EYS: variants seen among roughly 807,000 people sequenced by gnomAD.
The protein encoded by EYS is EGF-like photoreceptor maintenance factor, also known as protein eyes shut homolog.
In EYS, 250 loss-of-function variants were observed where a neutral mutation model predicts 282.1. The ratio of observed to expected loss-of-function variants is 0.89; its 90% CI spans 0.80 to 0.98. The LOEUF is 0.98. Ranked by LOEUF, EYS falls within the 50% of genes least tolerant of loss-of-function variation. The pLI is 0.00. For synonymous variants in EYS, 1,355 were observed against 1,282.9 expected (o/e 1.06, Z -1.20); for missense variants, 4,016 against 3,709.0 (o/e 1.08, Z -2.15).
chr6:64,876,722 T>A (rs1237106545), intron 19 of EYS, among the ~76,000 whole-genome samples: 1 of 152,070 alleles, frequency 6.6e-6, no homozygotes, highest in Non-Finnish European at 1.5e-5. Context: ...GAAACTTCTA[T>A]ACAAAGCCTG....
chr6:64,649,525 A>T (rs1768481936), intron 22 of EYS, among the ~76,000 whole-genome samples: 1 of 152,088 alleles, frequency 6.6e-6, no homozygotes, highest in Non-Finnish European at 1.5e-5. Context: ...ACTTTAGTAG[A>T]GATGGGGTTT....
In EYS at chr6:63,720,670, G is replaced by T; in HGVS notation, c.9361C>A (p.Pro3121Thr). 1 of 1,538,936 alleles carries T rather than the reference G, an allele frequency of 6.5e-7. No homozygotes were observed. The highest frequency in any genetic ancestry group is 8.8e-7 in the Non-Finnish European group (1 of 1,142,254). Reference protein sequence around the residue: ...KIKDVVFFQEPKNIELIKLEG... With the variant: ...KIKDVVFFQETKNIELIKLEG... ...AATTTAATTAGTTCAATGTTTTTTG[G>T]TTCCTGAAAAAATACAACATCTTTA... Residue 3121 changes from proline to threonine, a missense_variant, in exon 43 of 43, where the codon CCA becomes ACA. Physicochemically the swap from Pro to Thr is conservative, Grantham distance 38. Coordinates refer to ENST00000503581, the MANE Select transcript of EYS (RefSeq NM_001142800.2).
chr6:64,364,965 T>C (rs1772140351), intron 29 of EYS, among the ~76,000 whole-genome samples: 1 of 152,032 alleles, frequency 6.6e-6, no homozygotes, highest in South Asian at 2.1e-4. Flanking sequence ...TTATTGTTCT[T>C]ATAAGTTTTT....
chr6:63,888,870 T>G (rs1251410248), intron 35 of EYS, among the ~76,000 whole-genome samples: 2 of 152,076 alleles, frequency 1.3e-5, no homozygotes, highest in African/African-American at 2.4e-5. Flanking sequence ...TCTAATCCAA[T>G]GAAAGAAAGC....
intron 36 of EYS, among the ~76,000 whole-genome samples, chr6:63,825,508 T>A (rs1771436401): frequency 1.3e-5 from 2 of 152,150 alleles, no homozygotes; most frequent in Admixed American, 6.5e-5. Context: ...CTTCGCCACC[T>A]CAACGAGAAC....
intron 26 of EYS, among the ~76,000 whole-genome samples, chr6:64,549,104 C>A (rs1240508323): frequency 6.6e-6 from 1 of 152,190 alleles, no homozygotes; most frequent in African/African-American, 2.4e-5. Context: ...TCAATAGCTA[C>A]AAAAACTATC....
chr6:64,244,024 T>G (rs1219521440), intron 30 of EYS, among the ~76,000 whole-genome samples: 1 of 152,184 alleles, frequency 6.6e-6, no homozygotes, highest in African/African-American at 2.4e-5. Context: ...GTCCCCAGTT[T>G]TCATTTTAAT....
intron 13 of EYS, among the ~76,000 whole-genome samples, chr6:65,028,411 G>T (rs960233482): frequency 6.6e-6 from 1 of 151,648 alleles, no homozygotes; most frequent in African/African-American, 2.4e-5. Flanking sequence ...CTTAATTACT[G>T]CAGTATGTGT....
rs991585797 is a variant in EYS at position 64,755,513 on chromosome 6, C to G, written c.3443+57865G>C. Among the ~76,000 whole-genome samples, 107 of 150,992 alleles carry G rather than the reference C, an allele frequency of 7.1e-4. 1 individual carries two copies. In the Middle Eastern group the frequency reaches 0.017, roughly 24 times the overall value. On this transcript the variant is annotated intron_variant, in intron 22 of 42. Transcript: ENST00000503581. ...GAACATACATACACACACACACACACACACACACACACACACACACACACA... is the reference window on the plus strand; with the variant it reads ...GAACATACATACACACACACACACAGACACACACACACACACACACACACA...
chr6:65,415,579 C>T (rs1238982587), intron 5 of EYS, among the ~76,000 whole-genome samples: 5 of 151,886 alleles, frequency 3.3e-5, no homozygotes, highest in Non-Finnish European at 7.4e-5. Flanking sequence ...CATGGAATCC[C>T]GCCCACCGGT....
chr6:64,153,309 T>A (rs1774805479), intron 31 of EYS, among the ~76,000 whole-genome samples: 1 of 152,102 alleles, frequency 6.6e-6, no homozygotes, highest in Admixed American at 6.6e-5. Flanking sequence ...ATTTTGTAGA[T>A]CACAATGAAC....
intron 1 of EYS, among the ~76,000 whole-genome samples, chr6:65,705,000 T>C (rs1769823951): frequency 1.3e-5 from 2 of 152,180 alleles, no homozygotes; most frequent in Non-Finnish European, 2.9e-5. Flanking sequence ...GAACACATGG[T>C]TTTCTTAAAA....
intron 29 of EYS, among the ~76,000 whole-genome samples, chr6:64,360,467 T>C (rs1302579325): frequency 6.6e-6 from 1 of 151,730 alleles, no homozygotes; most frequent in Non-Finnish European, 1.5e-5. Flanking sequence ...CCTCTTGGGC[T>C]AGACCTTCTT....
At chr6:63,957,051 G>A (rs1765856920) in intron 35 of EYS, among the ~76,000 whole-genome samples, 1 of 152,130 alleles carries the variant, frequency 6.6e-6, no homozygotes, top group South Asian at 2.1e-4. Context: ...TTTTCTGGAT[G>A]TACTATATTG....
chr6:63,765,059 T>C lies in EYS; in HGVS notation c.7899-2426A>G, dbSNP rs1276456205. On this transcript the variant is annotated intron_variant, in intron 40 of 42. Transcript: ENST00000503581. ...CTACTCTGCCCTGAGGAGGAGTAGATTTTGTAGAAGTATGTGTGTGAGGTG... is the reference window on the plus strand; with the variant it reads ...CTACTCTGCCCTGAGGAGGAGTAGACTTTGTAGAAGTATGTGTGTGAGGTG... Among the ~76,000 whole-genome samples, 1,134 of 152,138 alleles carry C rather than the reference T, an allele frequency of 7.5e-3. 18 individuals carry two copies. The highest frequency in any genetic ancestry group is 0.026 in the African/African-American group (1,065 of 41,544).
chr6:64,399,140 A>C (rs1773470206), intron 28 of EYS, among the ~76,000 whole-genome samples: 1 of 151,830 alleles, frequency 6.6e-6, no homozygotes, highest in Non-Finnish European at 1.5e-5. Flanking sequence ...CATTTCTTAT[A>C]AATGAAACAC....
chr6:64,604,482 G>A (rs1766863087), intron 24 of EYS, among the ~76,000 whole-genome samples: 1 of 152,016 alleles, frequency 6.6e-6, no homozygotes, highest in Non-Finnish European at 1.5e-5. Flanking sequence ...ATTTTCCACA[G>A]AGTAGAAGCA....
At chr6:65,428,755 T>C in intron 5 of EYS, among the ~76,000 whole-genome samples, 1 of 152,258 alleles carries the variant, frequency 6.6e-6, no homozygotes, top group East Asian at 1.9e-4. Context: ...GGAATTTTTT[T>C]TAAATATAAT....
At position 63,720,894 on chromosome 6, in the gene EYS, T is replaced by C. The variant is rs557682714; in HGVS notation, c.9137A>G (p.His3046Arg). 8 of 1,550,904 alleles carry C rather than the reference T, an allele frequency of 5.2e-6. No individual in the cohort carries two copies. Among genetic ancestry groups the C allele is most frequent in the Middle Eastern group, 3.3e-4 (2 of 6,010 alleles). Residue 3046 changes from histidine to arginine, a missense_variant, in exon 43 of 43, where the codon CAT becomes CGT. By Grantham distance (29) the His-to-Arg change is conservative (BLOSUM62 0). Transcript: ENST00000503581. ...AGTCTGATTTTGAATTACAACTACATGGTGCCATTTATTACAACAGAATGT... is the reference window on the plus strand; with the variant it reads ...AGTCTGATTTTGAATTACAACTACACGGTGCCATTTATTACAACAGAATGT... ...NGTFCCNKWH[H>R]VVVIQNQTLI... is the part of the protein sequence containing the mutation.
Sources: allele counts gnomAD v4.1 joint callset (sites outside exome capture counted in the v4.1 genomes callset), GRCh38; gene constraint gnomAD v4.1.1; transcripts MANE v1.5; gene names NCBI Gene and HGNC (gene_info 2026-07-23, HGNC 2026-07-21).